NTN1: variants seen among roughly 807,000 people sequenced by gnomAD.
NTN1 encodes netrin 1.
NTN1 carries 11 observed loss-of-function variants against 54.2 expected under a neutral mutation model. The ratio of observed to expected loss-of-function variants is 0.20; its 90% CI spans 0.13 to 0.34. The LOEUF is 0.34. NTN1 is among the 10% of genes least tolerant of loss of function. NTN1 has a pLI of 1.00. For synonymous variants in NTN1, 371 were observed against 382.0 expected, an observed-to-expected ratio of 0.97 and a Z score of 0.33; for missense variants, 740 against 893.1, an observed-to-expected ratio of 0.83 and a Z score of 2.18.
chr17:9,112,390 G>A (rs1470413636), intron 2 of NTN1, among the ~76,000 whole-genome samples: 3 of 152,124 alleles, frequency 2.0e-5, no homozygotes, highest in Non-Finnish European at 4.4e-5. Flanking sequence ...ATTCATGATG[G>A]GCACAGAGAG....
chr17:9,227,704 TCA>T lies in NTN1; in HGVS notation c.1486+6466_1486+6467del, dbSNP rs145490097. Among the ~76,000 whole-genome samples the T allele has an allele frequency of 3.0e-3, 442 of 149,472 alleles. 4 individuals carry two copies. The highest frequency in any genetic ancestry group is 2.1e-3 in the Non-Finnish European group (139 of 67,218). On this transcript the variant is annotated intron_variant, in intron 6 of 6. Coordinates refer to ENST00000173229, the MANE Select transcript of NTN1 (RefSeq NM_004822.3). ...CACCACACTTATACAGACACACGTA[TCA>T]CACGCACACACACCACACACATCAG...
At chr17:9,039,473 T>C (rs892354689) in intron 2 of NTN1, among the ~76,000 whole-genome samples, 4 of 152,262 alleles carry the variant, frequency 2.6e-5, no homozygotes, top group Non-Finnish European at 4.4e-5. Flanking sequence ...TATGTGTTTC[T>C]CTTTGATTCT....
intron 2 of NTN1, among the ~76,000 whole-genome samples, chr17:9,127,075 G>GGC (rs1555570075): frequency 6.7e-6 from 1 of 149,390 alleles, no homozygotes; most frequent in Non-Finnish European, 1.5e-5. Flanking sequence ...TAGGGCCGGG[G>GGC]GGGGGCAGGA....
At chr17:9,037,571 A>G (rs1219542150) in intron 2 of NTN1, among the ~76,000 whole-genome samples, 1 of 152,186 alleles carries the variant, frequency 6.6e-6, no homozygotes, top group Non-Finnish European at 1.5e-5. Flanking sequence ...AAATTATTAT[A>G]TCAAATGAGG....
At chr17:9,226,161 T>TGGGGGGGGG (rs148213778) in intron 6 of NTN1, among the ~76,000 whole-genome samples, 92 of 118,076 alleles carry the variant, frequency 7.8e-4, no homozygotes, top group East Asian at 3.6e-3. Context: ...GGATTTGGGG[T>TGGGGGGGGG]CGGGGGGGGG....
intron 2 of NTN1, among the ~76,000 whole-genome samples, chr17:9,130,994 C>T (rs962876632): frequency 1.7e-4 from 26 of 152,306 alleles, no homozygotes; most frequent in Middle Eastern, 3.4e-3. Flanking sequence ...GTACACCCCT[C>T]GTCTGCACTT....
At chr17:9,013,852 T>C in the NTN1 span, among the ~76,000 whole-genome samples, 1 of 152,122 alleles carries the variant, frequency 6.6e-6, no homozygotes. Flanking sequence ...CTTCCATCCA[T>C]GACAAAGCCT....
chr17:9,177,838 G>A (rs1473515341), intron 3 of NTN1: 2 of 152,288 alleles, frequency 1.3e-5, no homozygotes, highest in African/African-American at 2.4e-5. Context: ...TGTCGAGAGA[G>A]ACAAACAACA....
intron 2 of NTN1, among the ~76,000 whole-genome samples, chr17:9,048,647 G>A (rs988361441): frequency 6.6e-6 from 1 of 151,634 alleles, no homozygotes; most frequent in Non-Finnish European, 1.5e-5. Flanking sequence ...GTTGTGTAGT[G>A]TAGCCACTTT....
chr17:9,013,216 C>CTTTTTTTTTT, the NTN1 span, among the ~76,000 whole-genome samples: 1 of 118,726 alleles, frequency 8.4e-6, no homozygotes, highest in Admixed American at 9.1e-5. Flanking sequence ...TTTTCTTTTT[C>CTTTTTTTTTT]TTTTTTTTTT....
intron 2 of NTN1, among the ~76,000 whole-genome samples, chr17:9,077,594 TA>T: frequency 6.6e-6 from 1 of 152,200 alleles, no homozygotes; most frequent in African/African-American, 2.4e-5. Context: ...CTTTAAGTGC[TA>T]TATGAATAAT....
intron 2 of NTN1, among the ~76,000 whole-genome samples, chr17:9,151,828 A>G (rs1274187621): frequency 6.6e-6 from 1 of 152,190 alleles, no homozygotes; most frequent in African/African-American, 2.4e-5. Flanking sequence ...AAACACACCA[A>G]TCAGCACTCT....
chr17:9,221,147 T>TGCCCCCC lies in NTN1; in HGVS notation c.1412-21_1412-20insGCCCCCC. On this transcript the variant is annotated intron_variant, in intron 5 of 6. Transcript: ENST00000173229. This position sits in a 1 kb window ranked among gnomAD's most constrained non-coding sequence, Gnocchi z 4.5. ...CAGCCTAATTAGTTTTTGTCTGTGC[T>TGCCCCCC]CCCCCCCCACCCCCCTGCAGACTGC... The TGCCCCCC allele has an allele frequency of 2.4e-5, 31 of 1,303,762 alleles. No homozygotes were observed. Among genetic ancestry groups the TGCCCCCC allele is most frequent in the Non-Finnish European group, 3.0e-5 (29 of 952,832 alleles). The allele number at this position is 1,303,762 out of a possible 1,614,324, so 80.8% of individuals were successfully genotyped here.
At chr17:9,075,172 G>A (rs570238716) in intron 2 of NTN1, among the ~76,000 whole-genome samples, 2 of 152,232 alleles carry the variant, frequency 1.3e-5, no homozygotes, top group Admixed American at 6.5e-5. Flanking sequence ...CTCCTCTCCC[G>A]GTTCTTCCAT....
Position 9,022,370 on chromosome 17 carries a change from C to A in NTN1, c.-4C>A. Reference sequence around the variant, plus strand: ...CGGCAGGGCCGGGGCAAGCTGGACGCAGCATGATGCGCGCAGTGTGGGAGG... The same window carrying A: ...CGGCAGGGCCGGGGCAAGCTGGACGAAGCATGATGCGCGCAGTGTGGGAGG... On this transcript the variant is annotated 5_prime_UTR_variant, in exon 2 of 7. Transcript: ENST00000173229. The A allele has an allele frequency of 7.7e-7, 1 of 1,307,092 alleles. No homozygotes were observed. The highest frequency in any genetic ancestry group is 3.2e-5 in the East Asian group (1 of 31,718). 81.0% of individuals were successfully genotyped at this position (1,307,092 alleles called of 1,614,324 possible).
chr17:9,032,261 T>C (rs2091890425), intron 2 of NTN1, among the ~76,000 whole-genome samples: 1 of 152,236 alleles, frequency 6.6e-6, no homozygotes, highest in Non-Finnish European at 1.5e-5. Context: ...TCTGTTGTAG[T>C]GTATTTGTTT....
rs1202701393 is a variant in NTN1 at position 9,239,870 on chromosome 17, G to C, written c.1717G>C (p.Asp573His). The change falls in exon 7 of 7, where the codon GAT (aspartate) becomes CAT (histidine). Residue 573 changes from aspartate (D) to histidine (H), a missense_variant. Physicochemically the swap from Asp to His is moderately conservative, Grantham distance 81. Transcript: ENST00000173229. The surrounding 1 kb of genome is among the most constrained non-coding windows in gnomAD (Gnocchi z 5.2). ...TCCGGACCAGAGCGGCATCGTGGCC[G>C]ATAAAAGCAGCCTGGTGATCCAGTG... is the stretch of plus-strand genomic sequence containing the variant. ...DSPDQSGIVA[D>H]KSSLVIQWRD... is the part of the protein sequence containing the mutation. 6.2e-7 allele frequency: 1 copy of C among 1,611,466 alleles called. No homozygotes were observed. The highest frequency in any genetic ancestry group is 1.7e-4 in the Middle Eastern group (1 of 6,060).
intron 2 of NTN1, among the ~76,000 whole-genome samples, chr17:9,133,754 A>ATTTTTTTTTT (rs57053201): frequency 2.2e-3 from 232 of 104,224 alleles, no homozygotes; most frequent in African/African-American, 3.4e-3. Flanking sequence ...TGCCCAGCTA[A>ATTTTTTTTTT]TTTTTTTTTT....
chr17:9,124,657 C>T (rs1306592970), intron 2 of NTN1, among the ~76,000 whole-genome samples: 1 of 152,194 alleles, frequency 6.6e-6, no homozygotes, highest in Non-Finnish European at 1.5e-5. Context: ...TTACCGAGCA[C>T]CTACCTACCT....
Sources: allele counts gnomAD v4.1 joint callset (sites outside exome capture counted in the v4.1 genomes callset), GRCh38; gene constraint gnomAD v4.1.1; non-coding constraint Gnocchi (gnomAD v3.1); transcripts MANE v1.5; gene names NCBI Gene and HGNC (gene_info 2026-07-23, HGNC 2026-07-21).